The following MED4 variants were observed in gnomAD, a reference collection of about 807,000 sequenced individuals.
MED4 encodes mediator complex subunit 4.
MED4 carries 21 observed loss-of-function variants against 35.0 expected under a neutral mutation model. The ratio of observed to expected loss-of-function variants is 0.60; its 90% CI spans 0.43 to 0.86. MED4 has a LOEUF of 0.86. MED4 is among the 40% of genes least tolerant of loss of function. The probability of loss-of-function intolerance (pLI) is 0.00; values close to 1 mark genes in which losing one functional copy is unlikely to be tolerated. For synonymous variants in MED4, 138 were observed against 114.0 expected (o/e 1.21, Z -1.34); for missense variants, 300 against 319.4 (o/e 0.94, Z 0.46).
At chr13:48,086,510 T>C (rs772241208) in intron 2 of MED4, 58 bp from the exon 3 acceptor site, 25 of 1,485,798 alleles carry the variant, frequency 1.7e-5, no homozygotes, top group Non-Finnish European at 1.9e-5. Flanking sequence ...TGCATTCCAA[T>C]GAAACAAAGA....
At chr13:48,084,810 A>C (rs1033201794) in intron 3 of MED4, among the ~76,000 whole-genome samples, 4 of 151,678 alleles carry the variant, frequency 2.6e-5, no homozygotes, top group African/African-American at 9.7e-5. Flanking sequence ...TATTACATAC[A>C]TAAGGATTTT....
intron 5 of MED4, 90 bp downstream of exon 5, chr13:48,081,555 T>C (rs1950808195): frequency 1.2e-5 from 10 of 808,552 alleles, no homozygotes; most frequent in East Asian, 2.8e-5. Context: ...TAAGGATAAA[T>C]ACATTTTAAA....
At chr13:48,079,816 T>A (rs771118061) in intron 6 of MED4, 28 bp downstream of exon 6, 1 of 1,608,832 alleles carries the variant, frequency 6.2e-7, no homozygotes, top group South Asian at 1.1e-5. Flanking sequence ...CCTGATCTGT[T>A]TGAAAACACT....
In MED4 at chr13:48,095,093, C is replaced by A. The variant is rs757390308; in HGVS notation, c.-15G>T. The stretch of plus-strand genomic sequence containing the variant: ...GACGCAGCCATTTTCCCCAGAGTCC[C>A]GCCACCGGCGCACGCGCAGAGCGAG... On this transcript the variant is annotated 5_prime_UTR_variant, in exon 1 of 7. Transcript: ENST00000258648. The A allele has an allele frequency of 1.2e-6, 2 of 1,601,150 alleles. No homozygotes were observed. The highest frequency in any genetic ancestry group is 3.3e-4 in the Middle Eastern group (2 of 6,058).
chr13:48,089,847 G>A (rs969977371), intron 2 of MED4, among the ~76,000 whole-genome samples: 3 of 152,108 alleles, frequency 2.0e-5, no homozygotes, highest in Admixed American at 6.6e-5. Flanking sequence ...CACCCACCAT[G>A]GAAAATTAGA....
intron 2 of MED4, among the ~76,000 whole-genome samples, chr13:48,087,989 T>C (rs920780408): frequency 2.0e-5 from 3 of 152,250 alleles, no homozygotes; most frequent in Admixed American, 6.5e-5. Context: ...ATCTGCTAGC[T>C]GTGTGACACA....
intron 2 of MED4, among the ~76,000 whole-genome samples, chr13:48,088,742 C>A (rs546205011): frequency 2.6e-4 from 40 of 152,304 alleles, no homozygotes; most frequent in South Asian, 6.2e-4. Flanking sequence ...CATCCGTCCA[C>A]CCTGGAGCTT....
intron 4 of MED4, 119 bp from the exon 5 acceptor site, chr13:48,081,850 C>T: frequency 5.7e-6 from 3 of 530,960 alleles, no homozygotes; most frequent in Non-Finnish European, 9.3e-6. Context: ...AAAATAATCT[C>T]AGTCACCTGC....
At chr13:48,080,757 AT>A (rs1950802315) in intron 5 of MED4, among the ~76,000 whole-genome samples, 1 of 149,956 alleles carries the variant, frequency 6.7e-6, no homozygotes, top group Non-Finnish European at 1.5e-5. Flanking sequence ...TTTTTTTTAC[AT>A]TTTTCATCTT....
chr13:48,081,560 T>C, intron 5 of MED4, 85 bp downstream of exon 5: 1 of 871,822 alleles, frequency 1.1e-6, no homozygotes, highest in Non-Finnish European at 1.7e-6. Flanking sequence ...ATAAATACAT[T>C]TTAAATTAAA....
At position 48,089,822 on chromosome 13, in the gene MED4, G is replaced by A. The variant is rs187009668; in HGVS notation, c.192+530C>T. On this transcript the variant is annotated intron_variant, in intron 2 of 6. Transcript: ENST00000258648. ...TACCTCTAAAAAAATTCTGAATCAGGAAAAAAAGTCTGTTCACCCACCATG... is the reference window on the plus strand; with the variant it reads ...TACCTCTAAAAAAATTCTGAATCAGAAAAAAAAGTCTGTTCACCCACCATG... Among the ~76,000 whole-genome samples, 523 of 152,092 alleles carry A rather than the reference G, an allele frequency of 3.4e-3. 12 individuals carry two copies. Among genetic ancestry groups the A allele is most frequent in the Admixed American group, 0.031 (477 of 15,276 alleles).
At chr13:48,086,245 C>T (rs1295617571) in intron 3 of MED4, 37 bp downstream of exon 3, 2 of 1,585,018 alleles carry the variant, frequency 1.3e-6, no homozygotes, top group South Asian at 2.2e-5. Flanking sequence ...TAAACAACAT[C>T]CTTTTTAACC....
Sources: allele counts gnomAD v4.1 joint callset (sites outside exome capture counted in the v4.1 genomes callset), GRCh38; gene constraint gnomAD v4.1.1; transcripts MANE v1.5; gene names NCBI Gene and HGNC (gene_info 2026-07-23, HGNC 2026-07-21).